The following PTPRD variants were observed in gnomAD, a reference collection of about 807,000 sequenced individuals.
PTPRD encodes the protein protein tyrosine phosphatase receptor type D, also known as receptor-type tyrosine-protein phosphatase delta.
Under a neutral mutation model 214.5 loss-of-function variants are expected in PTPRD, and 34 were observed. That is an observed-to-expected ratio of 0.16 (90% CI 0.12 to 0.21). The LOEUF (loss-of-function observed/expected upper bound fraction) is 0.21, where lower values mean the gene tolerates loss of function less well. Ranked by LOEUF, PTPRD falls within the 10% of genes least tolerant of loss-of-function variation. The pLI, the probability that PTPRD is intolerant of heterozygous loss-of-function variation, is 1.00. For missense variants in PTPRD, 2,545 were observed against 2,398.7 expected (o/e 1.06, Z -1.27); for synonymous variants, 1,128 against 845.7 (o/e 1.33, Z -5.79).
At chr9:10,077,122 C>T (rs1476642325) in intron 3 of PTPRD, among the ~76,000 whole-genome samples, 2 of 152,128 alleles carry the variant, frequency 1.3e-5, no homozygotes, top group African/African-American at 4.8e-5. Flanking sequence ...ATTTCCCACT[C>T]CTTATACATA....
intron 14 of PTPRD, among the ~76,000 whole-genome samples, chr9:8,631,246 C>CT (rs898525305): frequency 2.6e-5 from 4 of 151,750 alleles, no homozygotes; most frequent in Admixed American, 6.6e-5. Flanking sequence ...AACTCCTATT[C>CT]TTTTTTTTCC....
At chr9:9,131,102 G>C (rs1001252356) in intron 10 of PTPRD, among the ~76,000 whole-genome samples, 12 of 152,152 alleles carry the variant, frequency 7.9e-5, no homozygotes, top group African/African-American at 2.2e-4. Flanking sequence ...AAATAGAAAA[G>C]TTGAAGTTAG....
chr9:9,844,352 G>A (rs1054677001), intron 5 of PTPRD, among the ~76,000 whole-genome samples: 3 of 151,862 alleles, frequency 2.0e-5, no homozygotes, highest in African/African-American at 7.2e-5. Context: ...GAAACAGAAA[G>A]ACTAATACTA....
intron 2 of PTPRD, among the ~76,000 whole-genome samples, chr9:10,406,792 T>C (rs994859206): frequency 3.6e-5 from 5 of 137,036 alleles, no homozygotes; most frequent in African/African-American, 1.0e-4. Context: ...GAAAAATAGA[T>C]GTAAAAAGAT....
At position 8,577,281 on chromosome 9, in the gene PTPRD, T is replaced by C. The variant is rs532401811; in HGVS notation, c.353-48502A>G. ...TTTATTTATTTATTTTGAGATGGAG[T>C]TTCGCTCTTGTTGCCCAGGCTGGAG... On this transcript the variant is annotated intron_variant, in intron 14 of 45. Coordinates refer to ENST00000381196, the MANE Select transcript of PTPRD (RefSeq NM_002839.4). Among the ~76,000 whole-genome samples the C allele has an allele frequency of 2.0e-5, 3 of 152,196 alleles. No individual in the cohort carries two copies. In the South Asian group the frequency reaches 6.2e-4, roughly 32 times the overall value.
intron 2 of PTPRD, among the ~76,000 whole-genome samples, chr9:10,456,418 T>G (rs1391564299): frequency 3.3e-5 from 5 of 151,936 alleles, no homozygotes; most frequent in Non-Finnish European, 4.4e-5. Context: ...TGGAAACATT[T>G]CAATTTATTT....
At chr9:8,551,992 T>G (rs919847083) in intron 14 of PTPRD, among the ~76,000 whole-genome samples, 1 of 152,320 alleles carries the variant, frequency 6.6e-6, no homozygotes, top group Admixed American at 6.5e-5. Flanking sequence ...GTACTTCAAT[T>G]GTAGCTAAGA....
intron 11 of PTPRD, among the ~76,000 whole-genome samples, chr9:8,972,911 C>T (rs1211174176): frequency 6.6e-6 from 1 of 150,726 alleles, no homozygotes; most frequent in Non-Finnish European, 1.5e-5. Context: ...TTGAGTGGAT[C>T]AATGTTTTAG....
At chr9:9,692,635 T>A in intron 7 of PTPRD, among the ~76,000 whole-genome samples, 1 of 105,038 alleles carries the variant, frequency 9.5e-6, no homozygotes, top group East Asian at 3.0e-4. Flanking sequence ...ATATAAATTT[T>A]AAGTTTTTTT....
chr9:9,325,377 G>A (rs539366016), intron 9 of PTPRD, among the ~76,000 whole-genome samples: 2,596 of 152,174 alleles, frequency 0.017, 75 homozygotes, highest in African/African-American at 0.06. Flanking sequence ...TTGAGCAGTG[G>A]TTTGTAGTTC....
chr9:9,160,847 G>C (rs12336113), intron 10 of PTPRD, among the ~76,000 whole-genome samples: 4 of 151,924 alleles, frequency 2.6e-5, no homozygotes, highest in African/African-American at 9.7e-5. Context: ...TATTTGGCTC[G>C]AAAAGAAGGA....
At chr9:9,937,802 A>G (rs2090092078) in intron 5 of PTPRD, among the ~76,000 whole-genome samples, 1 of 152,200 alleles carries the variant, frequency 6.6e-6, no homozygotes, top group Non-Finnish European at 1.5e-5. Flanking sequence ...TATGAAAATC[A>G]TTTAAAAAAA....
At chr9:9,975,158 C>T (rs1213327437) in intron 4 of PTPRD, among the ~76,000 whole-genome samples, 1 of 152,118 alleles carries the variant, frequency 6.6e-6, no homozygotes, top group African/African-American at 2.4e-5. Context: ...ATGTTGACAG[C>T]TGTGCCCAGT....
intron 8 of PTPRD, among the ~76,000 whole-genome samples, chr9:9,445,886 T>C (rs2090226737): frequency 6.6e-6 from 1 of 152,174 alleles, no homozygotes; most frequent in African/African-American, 2.4e-5. Context: ...ACTCTTGTGC[T>C]TATGCAAGTT....
intron 14 of PTPRD, among the ~76,000 whole-genome samples, chr9:8,563,829 A>C (rs1376926457): frequency 6.6e-6 from 1 of 151,838 alleles, no homozygotes; most frequent in East Asian, 1.9e-4. Flanking sequence ...ACTCAGTTCT[A>C]AGTTTTTGTA....
chr9:9,269,749 C>G (rs1941996733), intron 9 of PTPRD, among the ~76,000 whole-genome samples: 1 of 151,120 alleles, frequency 6.6e-6, no homozygotes, highest in African/African-American at 2.4e-5. Context: ...GTGAAATTAG[C>G]TGGACATAGA....
chr9:8,338,969 T>G lies in PTPRD; in HGVS notation c.5332A>C (p.Asn1778His). 6.2e-7 allele frequency: 1 copy of G among 1,612,496 alleles called. No homozygotes were observed. Among genetic ancestry groups the G allele is most frequent in the Non-Finnish European group, 8.5e-7 (1 of 1,178,886 alleles). ...YFVVDPMAEY[N>H]MPQYILREFK... ...TCCCTTAGGATATACTGTGGCATGT[T>G]GTACTCAGCCATGGGATCTACAACA... is the stretch of plus-strand genomic sequence containing the variant. Residue 1778 changes from asparagine to histidine, a missense_variant, in exon 43 of 46, where the codon AAC becomes CAC. By Grantham distance (68) the Asn-to-His change is moderately conservative. Coordinates refer to ENST00000381196, the MANE Select transcript of PTPRD (RefSeq NM_002839.4).
At chr9:10,298,219 G>T (rs1158613081) in intron 3 of PTPRD, among the ~76,000 whole-genome samples, 4 of 151,954 alleles carry the variant, frequency 2.6e-5, no homozygotes, top group Non-Finnish European at 4.4e-5. Flanking sequence ...TTTTACCCTG[G>T]CAGGGAATGT....
chr9:9,336,227 G>C (rs146671325), intron 9 of PTPRD, among the ~76,000 whole-genome samples: 14 of 151,556 alleles, frequency 9.2e-5, no homozygotes, highest in African/African-American at 3.4e-4. Flanking sequence ...TCCAGAGAGA[G>C]TTACACATGT....
Sources: allele counts gnomAD v4.1 joint callset (sites outside exome capture counted in the v4.1 genomes callset), GRCh38; gene constraint gnomAD v4.1.1; transcripts MANE v1.5; gene names NCBI Gene and HGNC (gene_info 2026-07-23, HGNC 2026-07-21).